The following TXLNB variants were observed in gnomAD, a reference collection of about 807,000 sequenced individuals.
TXLNB encodes taxilin beta.
TXLNB carries 37 observed loss-of-function variants against 57.4 expected under a neutral mutation model. The ratio of observed to expected loss-of-function variants is 0.64; its 90% confidence interval spans 0.50 to 0.85. TXLNB has a LOEUF of 0.85. Among genes scored for constraint, TXLNB ranks in the 40% least tolerant of loss-of-function variants. The probability of loss-of-function intolerance (pLI) is 0.00; values close to 1 mark genes in which losing one functional copy is unlikely to be tolerated. For missense variants in TXLNB, 848 were observed against 825.6 expected (o/e 1.03, Z -0.33); for synonymous variants, 302 against 309.6 (o/e 0.98, Z 0.26).
At chr6:139,267,391 C>T (rs1776643014) in intron 4 of TXLNB, among the ~76,000 whole-genome samples, 1 of 152,046 alleles carries the variant, frequency 6.6e-6, no homozygotes, top group Admixed American at 6.5e-5. Flanking sequence ...AGTGTTTCTA[C>T]ATGTTATGTG....
chr6:139,185,497 C>T, the TXLNB span, among the ~76,000 whole-genome samples: 1 of 152,088 alleles, frequency 6.6e-6, no homozygotes, highest in South Asian at 2.1e-4. Flanking sequence ...GTCATGAGAT[C>T]GAGACCATCC....
chr6:139,288,454 A>G (rs1177217394), intron 2 of TXLNB, 22 bp downstream of exon 2: 2 of 1,604,324 alleles, frequency 1.2e-6, no homozygotes, highest in South Asian at 1.1e-5. Flanking sequence ...GAAAAGTCAC[A>G]TATTTGAACA....
At chr6:139,214,180 G>A in the TXLNB span, among the ~76,000 whole-genome samples, 1 of 152,106 alleles carries the variant, frequency 6.6e-6, no homozygotes, top group African/African-American at 2.4e-5. Context: ...AACAAAAAAA[G>A]AGAATTTTAG....
the TXLNB span, among the ~76,000 whole-genome samples, chr6:139,191,434 TAAA>T: frequency 6.6e-6 from 1 of 151,996 alleles, no homozygotes; most frequent in Non-Finnish European, 1.5e-5. Context: ...AAAATAAAAA[TAAA>T]AAAATCCAGT....
chr6:139,222,754 C>T, the TXLNB span, among the ~76,000 whole-genome samples: 1 of 152,120 alleles, frequency 6.6e-6, no homozygotes. Flanking sequence ...TCGCAGTGAG[C>T]CGAGATTGCG....
chr6:139,211,737 A>G, the TXLNB span, among the ~76,000 whole-genome samples: 3 of 152,206 alleles, frequency 2.0e-5, no homozygotes, highest in Admixed American at 1.3e-4. Flanking sequence ...TTTGAAAAAA[A>G]TTAGACGAAT....
At chr6:139,272,718 G>T (rs1776796637) in intron 3 of TXLNB, among the ~76,000 whole-genome samples, 5 of 152,144 alleles carry the variant, frequency 3.3e-5, no homozygotes, top group Admixed American at 3.3e-4. Context: ...GATTTAAAAT[G>T]ACTATTGTCC....
chr6:139,166,793 G>A, the TXLNB span: 8 of 1,613,646 alleles, frequency 5.0e-6, no homozygotes, highest in East Asian at 4.5e-5. Context: ...CGCAGCCTAC[G>A]GTGCCCGTTC....
the TXLNB span, among the ~76,000 whole-genome samples, chr6:139,321,633 C>CTTTTTTT: frequency 3.3e-4 from 28 of 84,348 alleles, no homozygotes; most frequent in African/African-American, 6.6e-4. Context: ...ACTACTCTCT[C>CTTTTTTT]TTTTTTTTTT....
the TXLNB span, among the ~76,000 whole-genome samples, chr6:139,211,143 A>T: frequency 1.3e-5 from 2 of 152,204 alleles, no homozygotes; most frequent in Non-Finnish European, 2.9e-5. Flanking sequence ...TGGTTCTCCC[A>T]GCATGCAGCT....
the TXLNB span, among the ~76,000 whole-genome samples, chr6:139,206,800 A>T: frequency 1.3e-5 from 2 of 152,232 alleles, no homozygotes; most frequent in African/African-American, 4.8e-5. Context: ...AAGGGGTGGA[A>T]AAAGATATTC....
At chr6:139,214,295 T>C in the TXLNB span, among the ~76,000 whole-genome samples, 3 of 152,204 alleles carry the variant, frequency 2.0e-5, no homozygotes, top group Admixed American at 2.0e-4. Context: ...CAAGTGGGCT[T>C]CATCCCTGGG....
At chr6:139,321,875 G>A in the TXLNB span, among the ~76,000 whole-genome samples, 1,481 of 151,904 alleles carry the variant, frequency 9.7e-3, 26 homozygotes, top group African/African-American at 0.034. Flanking sequence ...CTCGTGATCC[G>A]CCTGCCTCGG....
At chr6:139,189,846 A>G in the TXLNB span, among the ~76,000 whole-genome samples, 1 of 152,208 alleles carries the variant, frequency 6.6e-6, no homozygotes, top group African/African-American at 2.4e-5. Flanking sequence ...CTGTTGTACT[A>G]TGGAAGTCAC....
At chr6:139,192,694 CAGCACTTTCGGAG>C in the TXLNB span, among the ~76,000 whole-genome samples, 1 of 151,972 alleles carries the variant, frequency 6.6e-6, no homozygotes, top group Non-Finnish European at 1.5e-5. Context: ...CCTGTAATCC[CAGCACTTTCGGAG>C]GCCGAGGCAG....
chr6:139,311,405 G>A, the TXLNB span, among the ~76,000 whole-genome samples: 3 of 151,642 alleles, frequency 2.0e-5, no homozygotes, highest in African/African-American at 4.8e-5. Context: ...AGATCTGAAC[G>A]CAGGACAGGT....
At chr6:139,201,724 G>C in the TXLNB span, 1 of 152,162 alleles carries the variant, frequency 6.6e-6, no homozygotes, top group Non-Finnish European at 1.5e-5. Flanking sequence ...TTCCCCGACA[G>C]TTCCCTCTTT....
At chr6:139,208,073 C>T in the TXLNB span, among the ~76,000 whole-genome samples, 1 of 150,792 alleles carries the variant, frequency 6.6e-6, no homozygotes, top group Non-Finnish European at 1.5e-5. Flanking sequence ...GAGACTCAGT[C>T]TCAAACAAAA....
rs1271897981 is a variant in TXLNB, at chr6:139,242,959, G to A, written c.1622C>T (p.Pro541Leu). 1 of 1,614,152 alleles carries A rather than the reference G, an allele frequency of 6.2e-7. No individual in the cohort carries two copies. The highest frequency in any genetic ancestry group is 1.7e-5 in the Admixed American group (1 of 60,016). ...QESADAALKE[P>L]EQPPLIPSRD... Reference sequence around the variant, plus strand: ...TGAAGGGATCAGAGGGGGTTGCTCTGGCTCCTTGAGAGCGGCGTCAGCACT... The same window carrying A: ...TGAAGGGATCAGAGGGGGTTGCTCTAGCTCCTTGAGAGCGGCGTCAGCACT... Residue 541 changes from proline to leucine, a missense_variant, in exon 10 of 10, where the codon CCA becomes CTA. Physicochemically the swap from Pro to Leu is moderately conservative, Grantham distance 98. Transcript: ENST00000358430.
Sources: allele counts gnomAD v4.1 joint callset (sites outside exome capture counted in the v4.1 genomes callset), GRCh38; gene constraint gnomAD v4.1.1; transcripts MANE v1.5; gene names NCBI Gene and HGNC (gene_info 2026-07-23, HGNC 2026-07-21).